The following TEX15 variants were observed in gnomAD, a reference collection of about 807,000 sequenced individuals.
The protein encoded by TEX15 is testis expressed 15, meiosis and synapsis associated.
In TEX15, 171 loss-of-function variants were observed where a neutral mutation model predicts 237.3. The ratio of observed to expected loss-of-function variants is 0.72; its 90% CI spans 0.64 to 0.82. TEX15 has a LOEUF of 0.82. Among genes scored for constraint, TEX15 ranks in the 40% least tolerant of loss-of-function variants. The pLI is 0.00. For missense variants in TEX15, 3,750 were observed against 3,646.5 expected, an observed-to-expected ratio of 1.03 and a Z score of -0.73; for synonymous variants, 1,338 against 1,269.8, an observed-to-expected ratio of 1.05 and a Z score of -1.14.
intron 1 of TEX15, among the ~76,000 whole-genome samples, chr8:30,911,556 T>C (rs1423394775): frequency 2.0e-5 from 3 of 152,194 alleles, no homozygotes; most frequent in Admixed American, 1.3e-4. Flanking sequence ...TACTTCATAC[T>C]TTGAAACAGC....
chr8:30,896,584 C>T (rs950434545), intron 2 of TEX15, among the ~76,000 whole-genome samples: 2 of 151,980 alleles, frequency 1.3e-5, no homozygotes, highest in East Asian at 1.9e-4. Flanking sequence ...CAAAAGAATG[C>T]CCCCATTCTG....
chr8:30,869,839 G>A (rs979323405), intron 4 of TEX15, among the ~76,000 whole-genome samples: 1 of 151,944 alleles, frequency 6.6e-6, no homozygotes, highest in African/African-American at 2.4e-5. Context: ...AACTGGGTAA[G>A]AATCTGAAGA....
Position 30,858,785 on chromosome 8 carries a change from G to A in TEX15, c.733C>T (p.Pro245Ser). ...YSVLSKPVDK[P>S]RQCLPYAVVT... The stretch of plus-strand genomic sequence containing the variant: ...ACAGCATATGGAAGACATTGCCTAG[G>A]TTTATCTACAGGCTTTGAAAGGACA... Residue 245 changes from proline to serine, a missense_variant, in exon 7 of 11, where the codon CCT becomes TCT. Transcript: ENST00000643185. The A allele has an allele frequency of 6.5e-7, 1 of 1,535,476 alleles. No homozygotes were observed. The highest frequency in any genetic ancestry group is 1.2e-5 in the South Asian group (1 of 83,974).
In TEX15 at chr8:30,838,026, A is replaced by G. The variant is rs1489440232; in HGVS notation, c.8258T>C (p.Ile2753Thr). 6.2e-7 allele frequency: 1 copy of G among 1,612,736 alleles called. No individual in the cohort carries two copies. The highest frequency in any genetic ancestry group is 8.5e-7 in the Non-Finnish European group (1 of 1,179,680). The change falls in exon 10 of 11, where the codon ATA becomes ACA. Residue 2753 changes from isoleucine to threonine, a missense_variant. By Grantham distance (89) the Ile-to-Thr change is moderately conservative. Transcript: ENST00000643185. ...TGSHPKSENKIVPSSCDSLKR... is the reference protein window; with the variant it reads ...TGSHPKSENKTVPSSCDSLKR... The stretch of plus-strand genomic sequence containing the variant: ...CAGACTGTCACATGAACTTGGTACT[A>G]TTTTGTTTTCGCTTTTGGGATGAGA...
intron 7 of TEX15, among the ~76,000 whole-genome samples, chr8:30,856,927 T>A (rs1012989282): frequency 6.6e-6 from 1 of 152,202 alleles, no homozygotes; most frequent in African/African-American, 2.4e-5. Context: ...ATAAGCTGAT[T>A]CTAAAATTTC....
intron 3 of TEX15, among the ~76,000 whole-genome samples, chr8:30,876,832 T>C (rs1808408413): frequency 6.6e-6 from 1 of 152,260 alleles, no homozygotes; most frequent in East Asian, 1.9e-4. Context: ...TCATCTCATG[T>C]GTCATGGGAG....
intron 1 of TEX15, among the ~76,000 whole-genome samples, chr8:30,905,999 C>A (rs1360966864): frequency 6.6e-6 from 1 of 152,006 alleles, no homozygotes; most frequent in Non-Finnish European, 1.5e-5. Flanking sequence ...TTTTGTGCCT[C>A]AGTTTCTTCA....
Position 30,845,777 on chromosome 8 carries a change from C to A in TEX15, c.4390G>T (p.Asp1464Tyr). 6.2e-7 allele frequency: 1 copy of A among 1,612,406 alleles called. No individual in the cohort carries two copies. The highest frequency in any genetic ancestry group is 8.5e-7 in the Non-Finnish European group (1 of 1,179,400). The change falls in exon 8 of 11, where the codon GAT becomes TAT. Residue 1464 changes from aspartate to tyrosine, a missense_variant. Physicochemically the swap from Asp to Tyr is radical, Grantham distance 160. Transcript: ENST00000643185. Reference protein sequence around the residue: ...KRRKKRAPKADISKSLTHVSK... With the variant: ...KRRKKRAPKAYISKSLTHVSK... ...ACATGGGTTAATGATTTAGAAATATCAGCTTTTGGAGCTCTTTTCTTTCTC... is the reference window on the plus strand; with the variant it reads ...ACATGGGTTAATGATTTAGAAATATAAGCTTTTGGAGCTCTTTTCTTTCTC...
rs565899032 is a variant in TEX15, at chr8:30,911,078, C to T, written c.-86+1801G>A. 2.3e-3 allele frequency among the ~76,000 whole-genome samples: 345 copies of T among 152,222 alleles called. 1 individual carries two copies. The highest frequency in any genetic ancestry group is 3.2e-3 in the Non-Finnish European group (220 of 68,006). On this transcript the variant is annotated intron_variant, in intron 1 of 10. Coordinates refer to ENST00000643185, the MANE Select transcript of TEX15 (RefSeq NM_001350162.2). ...AATATTCAATAAATTTAACCATTTT[C>T]TCAATGTGAACTCAACGACATTTTA...
At chr8:30,854,978 T>A (rs1004993695) in intron 7 of TEX15, among the ~76,000 whole-genome samples, 1 of 152,116 alleles carries the variant, frequency 6.6e-6, no homozygotes, top group Non-Finnish European at 1.5e-5. Context: ...CTCAACATGA[T>A]AAAGAGCTTC....
At chr8:30,888,802 T>C (rs1470832831) in intron 2 of TEX15, 1 of 398,498 alleles carries the variant, frequency 2.5e-6, no homozygotes, top group East Asian at 8.1e-5. Flanking sequence ...TCCTGTTCTT[T>C]ATGAAAGGTG....
At chr8:30,907,968 G>A (rs897062574) in intron 1 of TEX15, among the ~76,000 whole-genome samples, 1 of 152,014 alleles carries the variant, frequency 6.6e-6, no homozygotes, top group Admixed American at 6.6e-5. Flanking sequence ...GGCTGATGCA[G>A]AGGCACAGTG....
intron 1 of TEX15, among the ~76,000 whole-genome samples, chr8:30,905,308 G>A (rs1362597672): frequency 1.3e-5 from 2 of 151,098 alleles, no homozygotes; most frequent in East Asian, 3.9e-4. Context: ...ATATTATTGA[G>A]TCCCCAGGAG....
chr8:30,860,589 G>C (rs1290817821), intron 5 of TEX15, among the ~76,000 whole-genome samples: 3 of 121,298 alleles, frequency 2.5e-5, no homozygotes, highest in Non-Finnish European at 5.0e-5. Flanking sequence ...TTTTGAGACA[G>C]AGTCTCACTC....
Position 30,833,287 on chromosome 8 carries a change from C to A in TEX15, c.9518G>T (p.Ter3173LeuextTer2). Residue 3173 changes from the stop codon to leucine, a stop_lost, in exon 11 of 11, where the codon TGA (stop) becomes TTA (leucine). Coordinates refer to ENST00000643185, the MANE Select transcript of TEX15 (RefSeq NM_001350162.2). ...WHQESFHPGH[*>L] ...ATTTCAATAGACAGAAGACTATTTT[C>A]AGTGTCCTGGATGAAAGGATTCTTG... The A allele has an allele frequency of 6.3e-7, 1 of 1,585,906 alleles. No individual in the cohort carries two copies. Among genetic ancestry groups the A allele is most frequent in the South Asian group, 1.2e-5 (1 of 85,534 alleles).
intron 1 of TEX15, among the ~76,000 whole-genome samples, chr8:30,900,245 C>A (rs531174409): frequency 2.0e-5 from 3 of 152,044 alleles, no homozygotes; most frequent in Non-Finnish European, 4.4e-5. Flanking sequence ...AAGAAGTAAA[C>A]GTAGAGAATA....
chr8:30,910,607 G>A (rs1182161291), intron 1 of TEX15, among the ~76,000 whole-genome samples: 1 of 141,590 alleles, frequency 7.1e-6, no homozygotes, highest in Non-Finnish European at 1.5e-5. Flanking sequence ...CACCACGCCT[G>A]GCCTTTTTTT....
rs1338660650 is a variant in TEX15, at chr8:30,852,349, T to TC, written c.851-3034dup. On this transcript the variant is annotated intron_variant, in intron 7 of 10. Transcript: ENST00000643185. The stretch of plus-strand genomic sequence containing the variant: ...AAGTCGTGATCCGCCCGCCTTGGCC[T>TC]CCCAAAGTGCTAGGATTACAAGTGT... Among the ~76,000 whole-genome samples, 4 of 152,160 alleles carry TC rather than the reference T, an allele frequency of 2.6e-5. No individual in the cohort carries two copies. In the East Asian group the frequency reaches 5.8e-4, roughly 22 times the overall value.
At chr8:30,880,005 C>T (rs934531497) in intron 3 of TEX15, among the ~76,000 whole-genome samples, 1 of 150,422 alleles carries the variant, frequency 6.6e-6, no homozygotes, top group Non-Finnish European at 1.5e-5. Context: ...ATATTTGTAC[C>T]TAAGTATTTC....
Sources: gnomAD v4.1 joint callset for allele counts (sites outside exome capture counted in the v4.1 genomes callset) on GRCh38, gnomAD v4.1.1 for gene constraint, MANE v1.5 for transcripts, NCBI Gene and HGNC (gene_info 2026-07-23, HGNC 2026-07-21) for gene names.